Variants in TTLL11 observed in about 807,000 individuals in gnomAD.
TTLL11 encodes the protein tubulin tyrosine ligase like 11, also known as tubulin polyglutamylase TTLL11.
Under a neutral mutation model 51.7 loss-of-function variants are expected in TTLL11, and 42 were observed. The observed-to-expected ratio is 0.81, with a 90% CI of 0.64 to 1.05. TTLL11 has a LOEUF of 1.05. Ranked by LOEUF, TTLL11 falls within the 50% of genes least tolerant of loss-of-function variation. TTLL11 has a pLI of 0.00. For synonymous variants in TTLL11, 381 were observed against 383.5 expected (o/e 0.99, Z 0.08); for missense variants, 799 against 940.4 (o/e 0.85, Z 1.97).
chr9:121,907,547 T>G (rs1839988908), intron 6 of TTLL11, among the ~76,000 whole-genome samples: 1 of 152,066 alleles, frequency 6.6e-6, no homozygotes, highest in Non-Finnish European at 1.5e-5. Flanking sequence ...GGATAAGAGA[T>G]AGAGTCTGGA....
rs757394059 is a variant in TTLL11 at position 121,973,001 on chromosome 9, C to T, written c.1481+1008G>A. ...TGCGCTCATTAGGGTCAATCTGATT[C>T]GTCTAGGGATATGAGAAGTGCTATT... On this transcript the variant is annotated intron_variant, in intron 6 of 8. Coordinates refer to ENST00000321582, the MANE Select transcript of TTLL11 (RefSeq NM_001139442.2). 2.6e-5 allele frequency among the ~76,000 whole-genome samples: 4 copies of T among 152,314 alleles called. No homozygotes were observed. In the South Asian group the frequency reaches 6.2e-4, roughly 24 times the overall value.
chr9:122,056,564 C>A (rs1845295921), intron 1 of TTLL11, among the ~76,000 whole-genome samples: 1 of 152,158 alleles, frequency 6.6e-6, no homozygotes, highest in African/African-American at 2.4e-5. Flanking sequence ...CCCCATGGAA[C>A]TGAGCCTAGG....
At position 121,974,093 on chromosome 9, in the gene TTLL11, C is replaced by A; in HGVS notation, c.1397G>T (p.Ser466Ile). 1 of 1,551,614 alleles carries A rather than the reference C, an allele frequency of 6.4e-7. No individual in the cohort carries two copies. Among genetic ancestry groups the A allele is most frequent in the Non-Finnish European group, 8.7e-7 (1 of 1,146,972 alleles). Reference sequence around the variant, plus strand: ...CACTTTCACTTCTTCATCAACGAGGCTGGGGACATTTTCAAACACCCCTGG... The same window carrying A: ...CACTTTCACTTCTTCATCAACGAGGATGGGGACATTTTCAAACACCCCTGG... ...LSPGVFENVPSLVDEEVKVAV... is the reference protein window; with the variant it reads ...LSPGVFENVPILVDEEVKVAV... Residue 466 changes from serine (S) to isoleucine (I), a missense_variant, in exon 6 of 9, where the codon AGC becomes ATC. Ser to Ile is a moderately radical substitution (Grantham distance 142). Transcript: ENST00000321582.
intron 6 of TTLL11, among the ~76,000 whole-genome samples, chr9:121,931,601 AAAAAG>A (rs1198491147): frequency 6.8e-6 from 1 of 146,274 alleles, no homozygotes; most frequent in African/African-American, 2.5e-5. Flanking sequence ...AAAAAAAAAA[AAAAAG>A]AAAAGAAAAG....
chr9:122,089,885 C>G (rs1846214825), intron 1 of TTLL11, among the ~76,000 whole-genome samples: 1 of 152,172 alleles, frequency 6.6e-6, no homozygotes, highest in Admixed American at 6.5e-5. Flanking sequence ...AACTCCTGGA[C>G]TCAAGTGATC....
intron 1 of TTLL11, among the ~76,000 whole-genome samples, chr9:122,080,079 A>T (rs1455237977): frequency 6.6e-6 from 1 of 152,240 alleles, no homozygotes; most frequent in Non-Finnish European, 1.5e-5. Flanking sequence ...TGGCTGTTTC[A>T]AATTAGGCAT....
rs1006037505 is a variant in TTLL11, at chr9:121,852,452, C to T, written c.1840+7885G>A. 1.1e-4 allele frequency among the ~76,000 whole-genome samples: 17 copies of T among 152,132 alleles called. 1 individual carries two copies. Among genetic ancestry groups the T allele is most frequent in the Admixed American group, 9.2e-4 (14 of 15,286 alleles). ...GCTTTCTACACAACACTGGATCCTG[C>T]GGCTGCTGTTCCTACAAGATCTGGG... On this transcript the variant is annotated intron_variant, in intron 8 of 8. Coordinates refer to ENST00000321582, the MANE Select transcript of TTLL11 (RefSeq NM_001139442.2).
At chr9:122,001,543 A>C (rs1430918022) in intron 3 of TTLL11, among the ~76,000 whole-genome samples, 1 of 151,550 alleles carries the variant, frequency 6.6e-6, no homozygotes, top group South Asian at 2.1e-4. Flanking sequence ...GGGACAGGGA[A>C]GCTAAGCCTA....
chr9:121,986,551 T>C (rs1331965633), intron 4 of TTLL11, among the ~76,000 whole-genome samples: 1 of 152,188 alleles, frequency 6.6e-6, no homozygotes, highest in African/African-American at 2.4e-5. Context: ...ACCTACCTGA[T>C]GGCTGAGCTG....
chr9:122,039,819 A>T (rs566597563), intron 1 of TTLL11, among the ~76,000 whole-genome samples: 3 of 151,482 alleles, frequency 2.0e-5, no homozygotes, highest in African/African-American at 7.3e-5. Context: ...ACAACCCTCA[A>T]CCGAGCCCAA....
In TTLL11 at chr9:121,896,237, A is replaced by T. The variant is rs1170169435; in HGVS notation, c.1482-25489T>A. On this transcript the variant is annotated intron_variant, in intron 6 of 8. Coordinates refer to ENST00000321582, the MANE Select transcript of TTLL11 (RefSeq NM_001139442.2). ...GCTGGGAATGGTTCCACCTTGGTCC[A>T]GCGCAGCAGATTAATCTAGAAAGAA... 2.0e-5 allele frequency among the ~76,000 whole-genome samples: 3 copies of T among 151,924 alleles called. No homozygotes were observed. The East Asian group carries it at 5.8e-4, about 29-fold the overall frequency.
chr9:122,013,342 C>A (rs1027562592), intron 3 of TTLL11, among the ~76,000 whole-genome samples: 1 of 152,150 alleles, frequency 6.6e-6, no homozygotes, highest in East Asian at 1.9e-4. Flanking sequence ...ACATTCAAGG[C>A]AGCAGGGGTA....
intron 4 of TTLL11, among the ~76,000 whole-genome samples, chr9:121,982,876 A>G (rs1056480405): frequency 2.0e-5 from 3 of 152,216 alleles, no homozygotes; most frequent in African/African-American, 7.2e-5. Flanking sequence ...CAAGGGGCAG[A>G]TGGCGCTGCA....
intron 6 of TTLL11, among the ~76,000 whole-genome samples, chr9:121,877,858 C>G (rs1327566633): frequency 6.6e-6 from 1 of 152,210 alleles, no homozygotes; most frequent in Non-Finnish European, 1.5e-5. Context: ...ATCCTTGTTT[C>G]TAACCACTGC....
intron 3 of TTLL11, among the ~76,000 whole-genome samples, chr9:122,027,762 C>T (rs1472199775): frequency 6.6e-6 from 1 of 152,114 alleles, no homozygotes; most frequent in Non-Finnish European, 1.5e-5. Context: ...TGTGTTGATG[C>T]AAATTCTTGA....
chr9:121,975,255 G>T (rs982571669), intron 4 of TTLL11, among the ~76,000 whole-genome samples: 1 of 152,140 alleles, frequency 6.6e-6, no homozygotes, highest in Admixed American at 6.5e-5. Context: ...TCTTTAACAG[G>T]TTTTTTATTA....
intron 6 of TTLL11, among the ~76,000 whole-genome samples, chr9:121,927,906 T>C (rs948820802): frequency 2.5e-4 from 38 of 152,196 alleles, no homozygotes; most frequent in Non-Finnish European, 4.9e-4. Context: ...TCACATGTTA[T>C]TTGGTTTGGA....
At chr9:121,958,658 T>C (rs4837923) in intron 6 of TTLL11, among the ~76,000 whole-genome samples, 1 of 152,020 alleles carries the variant, frequency 6.6e-6, no homozygotes, top group African/African-American at 2.4e-5. Flanking sequence ...CTCGAACACA[T>C]AGAGTCCTAA....
intron 4 of TTLL11, among the ~76,000 whole-genome samples, chr9:121,980,307 T>C (rs932481866): frequency 1.3e-5 from 2 of 152,192 alleles, no homozygotes; most frequent in Admixed American, 1.3e-4. Context: ...TGAAACACCT[T>C]ACCATTGCAG....
Sources: gnomAD v4.1 joint callset for allele counts (sites outside exome capture counted in the v4.1 genomes callset) on GRCh38, gnomAD v4.1.1 for gene constraint, MANE v1.5 for transcripts, NCBI Gene and HGNC (gene_info 2026-07-23, HGNC 2026-07-21) for gene names.